Variants in ZFHX3 observed in about 807,000 individuals in gnomAD.
ZFHX3 encodes zinc finger homeobox 3.
ZFHX3 carries 42 observed loss-of-function variants against 279.1 expected under a neutral mutation model. The ratio of observed to expected loss-of-function variants is 0.15; its 90% CI spans 0.12 to 0.19. The LOEUF is 0.19. Ranked by LOEUF, ZFHX3 falls within the 10% of genes least tolerant of loss-of-function variation. The pLI is 1.00. For missense variants in ZFHX3, 4,981 were observed against 4,754.0 expected, an observed-to-expected ratio of 1.05 and a Z score of -1.40; for synonymous variants, 2,293 against 1,957.8, an observed-to-expected ratio of 1.17 and a Z score of -4.52.
intron 4 of ZFHX3, among the ~76,000 whole-genome samples, chr16:73,267,095 C>T (rs182161066): frequency 1.2e-4 from 19 of 152,248 alleles, no homozygotes; most frequent in South Asian, 1.2e-3. Context: ...ATTACACTTT[C>T]GTGACAGCCT....
At position 72,959,400 on chromosome 16, in the gene ZFHX3, C is replaced by T. The variant is rs781315411; in HGVS notation, c.746G>A (p.Gly249Asp). The T allele has an allele frequency of 6.2e-7, 1 of 1,614,232 alleles. No homozygotes were observed. Among genetic ancestry groups the T allele is most frequent in the Non-Finnish European group, 8.5e-7 (1 of 1,180,028 alleles). The stretch of plus-strand genomic sequence containing the variant: ...GGATACGCAGGAGCTTTTGGCAGAA[C>T]CGTCGCTGTTCAGGTAATCCTTGTT... Reference protein sequence around the residue: ...KSNKDYLNSDGSAKSSCVSKD... With the variant: ...KSNKDYLNSDDSAKSSCVSKD... The change falls in exon 2 of 10, where the codon GGT (glycine) becomes GAT (aspartate). Residue 249 changes from glycine to aspartate, a missense_variant. By Grantham distance (94) the Gly-to-Asp change is moderately conservative. Coordinates refer to ENST00000268489, the MANE Select transcript of ZFHX3 (RefSeq NM_006885.4).
At chr16:72,901,237 G>A (rs2039026681) in intron 3 of ZFHX3, among the ~76,000 whole-genome samples, 1 of 152,190 alleles carries the variant, frequency 6.6e-6, no homozygotes, top group South Asian at 2.1e-4. Flanking sequence ...CTGCCCAGAT[G>A]TCTTGCTGGA....
intron 1 of ZFHX3, among the ~76,000 whole-genome samples, chr16:73,009,530 G>GA (rs1180008711): frequency 6.6e-6 from 1 of 151,820 alleles, no homozygotes; most frequent in Non-Finnish European, 1.5e-5. Flanking sequence ...CTGAATATGG[G>GA]AAAAAAATAG....
In ZFHX3 at chr16:72,793,659, A is replaced by G. The variant is rs754255676; in HGVS notation, c.9023T>C (p.Met3008Thr). 6.8e-6 allele frequency: 11 copies of G among 1,614,028 alleles called. No homozygotes were observed. The highest frequency in any genetic ancestry group is 6.7e-5 in the African/African-American group (5 of 74,906). Residue 3008 changes from methionine (M) to threonine (T), a missense_variant, in exon 9 of 10, where the codon ATG becomes ACG. Physicochemically the swap from Met to Thr is moderately conservative, Grantham distance 81. This residue lies in a region of ZFHX3 where 168 missense variants were observed against 249.1 expected (regional missense o/e 0.67). Transcript: ENST00000268489. This position sits in a 1 kb window ranked among gnomAD's most constrained non-coding sequence, Gnocchi z 4.3. ...TTGGTTTATACCAAAATGCTTGGCCATGCTTAACTTGGACTTCTTTTCTTT... is the reference window on the plus strand; with the variant it reads ...TTGGTTTATACCAAAATGCTTGGCCGTGCTTAACTTGGACTTCTTTTCTTT... Reference protein sequence around the residue: ...RAKEKKSKLSMAKHFGINQTS... With the variant: ...RAKEKKSKLSTAKHFGINQTS...
At chr16:73,700,839 T>G (rs2053239532) in intron 1 of ZFHX3, among the ~76,000 whole-genome samples, 1 of 152,222 alleles carries the variant, frequency 6.6e-6, no homozygotes. Flanking sequence ...TTTTATTTTT[T>G]TAGTAACTCA....
chr16:73,784,133 A>G (rs186315749), intron 1 of ZFHX3, among the ~76,000 whole-genome samples: 361 of 152,274 alleles, frequency 2.4e-3, no homozygotes, highest in African/African-American at 8.2e-3. Context: ...AAAAAAGAAA[A>G]AAAAAGGAGA....
chr16:73,465,453 C>T (rs2018550102), intron 2 of ZFHX3, among the ~76,000 whole-genome samples: 1 of 152,254 alleles, frequency 6.6e-6, no homozygotes, highest in Non-Finnish European at 1.5e-5. Flanking sequence ...AAAGCTGCCT[C>T]GCCCGTCTCC....
intron 1 of ZFHX3, among the ~76,000 whole-genome samples, chr16:73,724,200 C>G (rs2053499168): frequency 6.6e-6 from 1 of 151,990 alleles, no homozygotes; most frequent in Non-Finnish European, 1.5e-5. Context: ...TGTTTAATAC[C>G]CTCACATAAC....
At chr16:73,521,026 G>A (rs563435040) in intron 2 of ZFHX3, among the ~76,000 whole-genome samples, 1 of 152,234 alleles carries the variant, frequency 6.6e-6, no homozygotes, top group Admixed American at 6.5e-5. Context: ...CCAGAATCCT[G>A]GATTCAATAC....
chr16:73,403,410 C>A (rs1433130957), intron 3 of ZFHX3, among the ~76,000 whole-genome samples: 1 of 152,158 alleles, frequency 6.6e-6, no homozygotes, highest in Non-Finnish European at 1.5e-5. Context: ...GCCCGCTTTG[C>A]GGTATGCAAT....
chr16:73,883,323 A>G (rs2142415159), intron 1 of ZFHX3, among the ~76,000 whole-genome samples: 1 of 152,232 alleles, frequency 6.6e-6, no homozygotes. Context: ...CTGGCAGCCT[A>G]TGTTCTCTGT....
At chr16:73,505,604 A>C (rs1204003038) in intron 2 of ZFHX3, among the ~76,000 whole-genome samples, 1 of 152,002 alleles carries the variant, frequency 6.6e-6, no homozygotes. Context: ...TCAGAAGCCC[A>C]GCAAAGTCAG....
At chr16:73,065,321 G>C (rs1965734445) in intron 8 of ZFHX3, among the ~76,000 whole-genome samples, 2 of 152,124 alleles carry the variant, frequency 1.3e-5, no homozygotes, top group South Asian at 4.1e-4. Flanking sequence ...CCCCATGCTT[G>C]CATTTCTTGC....
intron 2 of ZFHX3, among the ~76,000 whole-genome samples, chr16:73,498,034 C>T (rs1018502093): frequency 3.3e-5 from 5 of 152,208 alleles, no homozygotes; most frequent in Admixed American, 2.6e-4. Context: ...TAAAATAATA[C>T]ATCTGTGCAA....
intron 1 of ZFHX3, among the ~76,000 whole-genome samples, chr16:73,808,931 A>G (rs1960355245): frequency 6.6e-6 from 1 of 152,238 alleles, no homozygotes; most frequent in Admixed American, 6.5e-5. Flanking sequence ...ACAGCAAACT[A>G]CTATGTAGAG....
intron 2 of ZFHX3, among the ~76,000 whole-genome samples, chr16:73,498,971 C>T (rs975085290): frequency 6.6e-6 from 1 of 152,168 alleles, no homozygotes; most frequent in Non-Finnish European, 1.5e-5. Context: ...GTGCCACTCT[C>T]ACCCATAACC....
intron 4 of ZFHX3, among the ~76,000 whole-genome samples, chr16:72,872,457 T>C (rs980116793): frequency 6.6e-6 from 1 of 152,168 alleles, no homozygotes; most frequent in South Asian, 2.1e-4. Flanking sequence ...TTTTCAGGTA[T>C]TTGTGTTTTG....
chr16:73,456,692 C>T (rs2018377983), intron 2 of ZFHX3, among the ~76,000 whole-genome samples: 1 of 152,174 alleles, frequency 6.6e-6, no homozygotes, highest in Admixed American at 6.5e-5. Context: ...AAAATTACAA[C>T]CTCCAAATTA....
At position 72,829,779 on chromosome 16, in the gene ZFHX3, C is replaced by G. The variant is rs769243295; in HGVS notation, c.3529G>C (p.Ala1177Pro). The change falls in exon 5 of 10, where the codon GCA becomes CCA. Residue 1177 changes from alanine (A) to proline (P), a missense_variant and splice_region_variant. Physicochemically the swap from Ala to Pro is conservative, Grantham distance 27. Transcript: ENST00000268489. ...GTCCACTTGCCCTGGTCTTTCTCAC[C>G]TCCGCCCTCTTGGTCCTTAGCAAGC... Reference protein sequence around the residue: ...EELAKDQEGGASSSQAEKELT... With the variant: ...EELAKDQEGGPSSSQAEKELT... 8.1e-6 allele frequency: 13 copies of G among 1,614,092 alleles called. No homozygotes were observed. Among genetic ancestry groups the G allele is most frequent in the Non-Finnish European group, 1.0e-5 (12 of 1,180,052 alleles).
Sources: allele counts gnomAD v4.1 joint callset (sites outside exome capture counted in the v4.1 genomes callset), GRCh38; gene constraint gnomAD v4.1.1; regional missense constraint gnomAD v4.1.1; non-coding constraint Gnocchi (gnomAD v3.1); transcripts MANE v1.5; gene names NCBI Gene and HGNC (gene_info 2026-07-23, HGNC 2026-07-21).